The following MAPDA variants were observed in gnomAD, a reference collection of about 807,000 sequenced individuals.
The protein encoded by MAPDA is N6-Methyl-AMP deaminase, also known as N6,N6-dimethyl-AMP deaminase.
At chr15:43,330,605 C>G in the MAPDA span, 1 of 1,228,108 alleles carries the variant, frequency 8.1e-7, no homozygotes, top group Non-Finnish European at 1.1e-6. Context: ...CTGGACTTCC[C>G]CTTCCGCCGG....
At chr15:43,343,080 GA>G in the MAPDA span, 1 of 1,553,878 alleles carries the variant, frequency 6.4e-7, no homozygotes, top group Non-Finnish European at 8.7e-7. Context: ...TGTTAGGTAA[GA>G]AGATTGTACC....
the MAPDA span, chr15:43,354,272 G>A: frequency 6.6e-6 from 1 of 152,192 alleles, no homozygotes; most frequent in Non-Finnish European, 1.5e-5. Context: ...AGGGGAGAGG[G>A]AAGTTCTGTG....
chr15:43,347,116 G>A, the MAPDA span: 7 of 1,588,712 alleles, frequency 4.4e-6, no homozygotes, highest in Non-Finnish European at 6.0e-6. Flanking sequence ...ATTGTCTTAG[G>A]CTAGAAGGGA....
At chr15:43,351,528 G>A in the MAPDA span, 8,877 of 522,526 alleles carry the variant, frequency 0.017, 141 homozygotes, top group Middle Eastern at 0.033. Flanking sequence ...AGCTCCTTAG[G>A]TAATTTTAAT....
At chr15:43,345,352 C>T in the MAPDA span, among the ~76,000 whole-genome samples, 2 of 78,392 alleles carry the variant, frequency 2.6e-5, no homozygotes, top group African/African-American at 1.3e-4. Flanking sequence ...GAGATTCCAT[C>T]TCAAAAAAAA....
At chr15:43,340,890 A>G in the MAPDA span, among the ~76,000 whole-genome samples, 1 of 152,312 alleles carries the variant, frequency 6.6e-6, no homozygotes, top group South Asian at 2.1e-4. Context: ...TTCCTGCATC[A>G]TGGGCACTTG....
At chr15:43,345,121 G>C in the MAPDA span, among the ~76,000 whole-genome samples, 2 of 152,208 alleles carry the variant, frequency 1.3e-5, no homozygotes, top group East Asian at 1.9e-4. Context: ...TTGGGAGGCT[G>C]AGGCGGGCGG....
chr15:43,335,704 T>C, the MAPDA span: 4 of 1,607,308 alleles, frequency 2.5e-6, no homozygotes, highest in Non-Finnish European at 3.4e-6. Context: ...AGGAACTTCA[T>C]GCCCACTTGA....
chr15:43,339,253 G>A, the MAPDA span, among the ~76,000 whole-genome samples: 1,189 of 152,340 alleles, frequency 7.8e-3, 26 homozygotes, highest in East Asian at 0.064. Context: ...GGAGTTTCAT[G>A]TGATTTAGAA....
chr15:43,346,871 G>A, the MAPDA span: 1 of 644,596 alleles, frequency 1.6e-6, no homozygotes, highest in East Asian at 2.8e-5. Context: ...CTCGCACATT[G>A]TAGGTGCTTT....
chr15:43,330,715 T>TG, the MAPDA span: 1 of 459,480 alleles, frequency 2.2e-6, no homozygotes, highest in Non-Finnish European at 3.9e-6. Flanking sequence ...TTCTTTGGAA[T>TG]GTCGTGAGTT....
chr15:43,351,218 C>G, the MAPDA span: 9 of 570,968 alleles, frequency 1.6e-5, no homozygotes, highest in Non-Finnish European at 1.8e-5. Context: ...CCCAGCTACT[C>G]GGGAGACTAA....
chr15:43,348,975 A>G, the MAPDA span: 1 of 1,614,184 alleles, frequency 6.2e-7, no homozygotes, highest in South Asian at 1.1e-5. Context: ...GGCATGGAAC[A>G]TTTCTCAACT....
At chr15:43,332,734 A>T in the MAPDA span, among the ~76,000 whole-genome samples, 3 of 151,738 alleles carry the variant, frequency 2.0e-5, no homozygotes, top group Admixed American at 6.6e-5. Flanking sequence ...ACAGTAACAA[A>T]TTTTTTTTTA....
chr15:43,352,020 C>T, the MAPDA span: 2 of 1,418,072 alleles, frequency 1.4e-6, no homozygotes, highest in East Asian at 5.0e-5. Flanking sequence ...GTAAAACAGT[C>T]CACCACTCCT....
chr15:43,331,891 T>G, the MAPDA span: 1 of 152,230 alleles, frequency 6.6e-6, no homozygotes, highest in South Asian at 2.1e-4. Context: ...TCTTTTGTTT[T>G]GTTTTCAGGT....
the MAPDA span, among the ~76,000 whole-genome samples, chr15:43,337,908 A>T: frequency 6.6e-6 from 1 of 152,356 alleles, no homozygotes; most frequent in Non-Finnish European, 1.5e-5. Context: ...ATACTGCAAC[A>T]TAGTGTGGTA....
the MAPDA span, chr15:43,333,552 T>G: frequency 2.0e-4 from 30 of 152,366 alleles, no homozygotes; most frequent in African/African-American, 6.5e-4. Context: ...TACTATGGCA[T>G]TACTTTGAAA....
chr15:43,340,250 T>G, the MAPDA span: 7 of 1,610,632 alleles, frequency 4.3e-6, no homozygotes, highest in African/African-American at 6.7e-5. Context: ...TTGTGTACGT[T>G]ATCTTTATTA....
Sources: allele counts gnomAD v4.1 joint callset (sites outside exome capture counted in the v4.1 genomes callset), GRCh38; gene constraint gnomAD v4.1.1; transcripts MANE v1.5; gene names NCBI Gene and HGNC (gene_info 2026-07-23, HGNC 2026-07-21).